The following IL9R variants were observed in gnomAD, a reference collection of about 807,000 sequenced individuals.
The protein encoded by IL9R is interleukin-9 receptor.
A neutral mutation model predicts 56.3 loss-of-function variants in IL9R; 54 were observed. The ratio of observed to expected loss-of-function variants is 0.96; its 90% CI spans 0.77 to 1.20. The LOEUF (loss-of-function observed/expected upper bound fraction) is 1.20, where lower values mean the gene tolerates loss of function less well. IL9R is among the 50% of genes most tolerant of loss of function. The probability of loss-of-function intolerance (pLI) is 0.00; values close to 1 mark genes in which losing one functional copy is unlikely to be tolerated. For missense variants in IL9R, 545 were observed against 629.8 expected (o/e 0.87, Z 1.44); for synonymous variants, 212 against 250.2 (o/e 0.85, Z 1.44).
At position 156,006,063 on chromosome X, in the gene IL9R, T is replaced by C. The variant is rs2067916039; in HGVS notation, c.782-20T>C. The C allele has an allele frequency of 6.6e-7, 1 of 1,505,874 alleles. No individual in the cohort carries two copies. The highest frequency in any genetic ancestry group is 9.2e-7 in the Non-Finnish European group (1 of 1,083,562). The allele number at this position is 1,505,874 out of a possible 1,614,324, so 93.3% of individuals were successfully genotyped here. On this transcript the variant is annotated intron_variant, in intron 6 of 8. Coordinates refer to ENST00000244174, the MANE Select transcript of IL9R (RefSeq NM_002186.3). ...CTGGCACTGAGGCTGCTCACAGCCC[T>C]GGGCCCTTCCTGTCCACAGGCCCTC...
Position 156,006,106 on chromosome X carries a change from T to C in IL9R, c.805T>C (p.Trp269Arg). ...RQGPLIPPWG[W>R]PGNTLVAVSI... Reference sequence around the variant, plus strand: ...AGGCCCTCTGATCCCACCCTGGGGGTGGCCAGGCAACACCCTTGTTGCTGT... The same window carrying C: ...AGGCCCTCTGATCCCACCCTGGGGGCGGCCAGGCAACACCCTTGTTGCTGT... The change falls in exon 7 of 9, where the codon TGG becomes CGG. Residue 269 changes from tryptophan (W) to arginine (R), a missense_variant. Trp to Arg is a moderately radical substitution (Grantham distance 101). This residue lies in a region of IL9R where 431 missense variants were observed against 360.0 expected (regional missense o/e 1.20). Coordinates refer to ENST00000244174, the MANE Select transcript of IL9R (RefSeq NM_002186.3). The C allele has an allele frequency of 1.9e-6, 3 of 1,600,636 alleles. No homozygotes were observed. The highest frequency in any genetic ancestry group is 1.1e-5 in the South Asian group (1 of 90,742).
At chrX:156,003,308 C>T (rs1463840336) in intron 2 of IL9R, 141 bp from the exon 3 acceptor site, 5 of 708,412 alleles carry the variant, frequency 7.1e-6, no homozygotes, top group Non-Finnish European at 1.3e-5. Flanking sequence ...CCAGGCCTCC[C>T]AGTGCTTCCC....
rs752788533 is a variant in IL9R at position 156,003,017 on chromosome X, A to G, written c.140A>G (p.Gln47Arg). 6 of 1,613,774 alleles carry G rather than the reference A, an allele frequency of 3.7e-6. No individual in the cohort carries two copies. In the Admixed American group the frequency reaches 1.0e-4, roughly 27 times the overall value. The change falls in exon 2 of 9, where the codon CAA (glutamine) becomes CGA (arginine). Residue 47 changes from glutamine (Q) to arginine (R), a missense_variant and splice_region_variant. Physicochemically the swap from Gln to Arg is conservative, Grantham distance 43. Transcript: ENST00000244174. ...GGAGTCTCTGTCACAGGGGAAGGACAAGGTGAGGGCTGGGCACTAATGTCT... is the reference window on the plus strand; with the variant it reads ...GGAGTCTCTGTCACAGGGGAAGGACGAGGTGAGGGCTGGGCACTAATGTCT... ...CLGVSVTGEG[Q>R]GPRSRTFTCL...
At chrX:156,001,589 G>C (rs956812522) in intron 1 of IL9R, 1 of 1,015,656 alleles carries the variant, frequency 9.8e-7, no homozygotes, top group African/African-American at 1.6e-5. Flanking sequence ...GGGCAGAGTG[G>C]GGTTAGAGTA....
rs1482484892 is a variant in IL9R at position 156,003,687 on chromosome X, C to T, written c.265C>T (p.Pro89Ser). The T allele has an allele frequency of 1.2e-6, 2 of 1,613,032 alleles. No individual in the cohort carries two copies. Among genetic ancestry groups the T allele is most frequent in the Non-Finnish European group, 1.7e-6 (2 of 1,179,496 alleles). ...AAATGCCCTTTCCAGCAACCAGGCT[C>T]CTGGCGGCACACATAAGTGCATCTT... ...PWLLFTSNQA[P>S]GGTHKCILRG... is the part of the protein sequence containing the mutation. The change falls in exon 4 of 9, where the codon CCT becomes TCT. Residue 89 changes from proline to serine, a missense_variant. Around this residue, in one of 2 missense-constraint regions of IL9R, gnomAD observed 431 missense variants for 360.0 expected, o/e 1.20. Transcript: ENST00000244174.
rs1203751262 is a variant in IL9R at position 155,997,738 on chromosome X, T to A, written c.-22T>A. On this transcript the variant is annotated 5_prime_UTR_variant, in exon 1 of 9. In the 5' UTR this introduces an upstream ATG that the reference lacks. Transcript: ENST00000244174. ...AGTTGGGTGACAAATCACCTCCAGG[T>A]TGGGGATGCCTCAGACTTGTGATGG... is the stretch of plus-strand genomic sequence containing the variant. The A allele has an allele frequency of 6.2e-7, 1 of 1,613,156 alleles. No homozygotes were observed. Among genetic ancestry groups the A allele is most frequent in the Non-Finnish European group, 8.5e-7 (1 of 1,179,272 alleles).
At chrX:155,999,151 G>C (rs1408341623) in intron 1 of IL9R, among the ~76,000 whole-genome samples, 1 of 152,032 alleles carries the variant, frequency 6.6e-6, no homozygotes, top group Non-Finnish European at 1.5e-5. Context: ...TGATGGGGAG[G>C]GAAGATGGCA....
chrX:156,001,703 C>T (rs1440278205), intron 1 of IL9R, among the ~76,000 whole-genome samples: 3 of 152,000 alleles, frequency 2.0e-5, no homozygotes, highest in Non-Finnish European at 4.4e-5. Flanking sequence ...TATAACCAGG[C>T]TGGCCCTGCT....
At chrX:156,009,258 G>GTGTATGTC (rs2068290087) in intron 8 of IL9R, among the ~76,000 whole-genome samples, 4 of 120,110 alleles carry the variant, frequency 3.3e-5, no homozygotes, top group African/African-American at 1.1e-4. Context: ...GTGTCTGTGT[G>GTGTATGTC]TGTGTGTTTG....
Position 156,009,017 on chromosome X carries a change from C to CTG in IL9R, c.973-789_973-788dup, listed in dbSNP as rs1205372747. 3.4e-4 allele frequency among the ~76,000 whole-genome samples: 37 copies of CTG among 109,760 alleles called. No individual in the cohort carries two copies. The East Asian group carries it at 7.6e-3, about 22-fold the overall frequency. The allele number at this position is 109,760 out of a possible 152,430, so 72.0% of individuals were successfully genotyped here. A position where few individuals can be genotyped will look rare whatever the true frequency, so the allele number is the denominator to read the frequency against. On this transcript the variant is annotated intron_variant, in intron 8 of 8. Coordinates refer to ENST00000244174, the MANE Select transcript of IL9R (RefSeq NM_002186.3). ...TGTGTGTGTTTGTGTGTGTGTGTCTCTGTGTGTGTGTCTGTATCTGTGTGT... is the reference window on the plus strand; with the variant it reads ...TGTGTGTGTTTGTGTGTGTGTGTCTCTGTGTGTGTGTGTCTGTATCTGTGTGT...
chrX:156,006,494 C>T (rs868443303), intron 7 of IL9R, among the ~76,000 whole-genome samples: 15 of 150,600 alleles, frequency 1.0e-4, no homozygotes, highest in East Asian at 3.9e-4. Context: ...CCAGAGTCAC[C>T]GAGATCAAGA....
intron 1 of IL9R, chrX:156,001,624 C>A: frequency 3.2e-6 from 2 of 633,804 alleles, no homozygotes; most frequent in Non-Finnish European, 2.7e-6. Flanking sequence ...TTGGTTTGTG[C>A]GGTCCTTTAA....
intron 8 of IL9R, among the ~76,000 whole-genome samples, chrX:156,008,649 G>A (rs1179196987): frequency 5.3e-5 from 8 of 152,228 alleles, no homozygotes; most frequent in African/African-American, 7.2e-5. Flanking sequence ...TTAGACCTGC[G>A]GGTGAGGATC....
In IL9R at chrX:155,997,743, G is replaced by A. The variant is rs777128870; in HGVS notation, c.-17G>A. The A allele has an allele frequency of 3.7e-6, 6 of 1,613,558 alleles. No individual in the cohort carries two copies. The highest frequency in any genetic ancestry group is 5.1e-6 in the Non-Finnish European group (6 of 1,179,548). Reference sequence around the variant, plus strand: ...GGTGACAAATCACCTCCAGGTTGGGGATGCCTCAGACTTGTGATGGGACTG... The same window carrying A: ...GGTGACAAATCACCTCCAGGTTGGGAATGCCTCAGACTTGTGATGGGACTG... On this transcript the variant is annotated 5_prime_UTR_variant, in exon 1 of 9. Coordinates refer to ENST00000244174, the MANE Select transcript of IL9R (RefSeq NM_002186.3).
intron 5 of IL9R, 38 bp from the exon 6 acceptor site, chrX:156,005,240 C>T: frequency 6.3e-7 from 1 of 1,582,562 alleles, no homozygotes; most frequent in Non-Finnish European, 8.7e-7. Flanking sequence ...GGACCCAGCC[C>T]CACCTTCACC....
Position 156,005,327 on chromosome X carries a change from A to G in IL9R, c.629A>G (p.Glu210Gly). The part of the protein sequence containing the change: ...HIVGVTWLIL[E>G]AFELDPGFIH... ...GTCGGGGTGACCTGGCTTATACTTG[A>G]AGCCTTTGAGCTGGACCCTGGCTTT... Residue 210 changes from glutamate (E) to glycine (G), a missense_variant, in exon 6 of 9, where the codon GAA (glutamate) becomes GGA (glycine). Glu to Gly is a moderately conservative substitution (Grantham distance 98). Coordinates refer to ENST00000244174, the MANE Select transcript of IL9R (RefSeq NM_002186.3). 6.2e-7 allele frequency: 1 copy of G among 1,612,264 alleles called. No homozygotes were observed. The highest frequency in any genetic ancestry group is 1.1e-5 in the South Asian group (1 of 90,984).
At position 156,010,186 on chromosome X, in the gene IL9R, G is replaced by A; in HGVS notation, c.1343G>A (p.Cys448Tyr). 2.7e-6 allele frequency: 4 copies of A among 1,484,270 alleles called. No individual in the cohort carries two copies. Among genetic ancestry groups the A allele is most frequent in the Non-Finnish European group, 3.5e-6 (4 of 1,128,416 alleles). 91.9% of individuals were successfully genotyped at this position (1,484,270 alleles called of 1,614,324 possible). The change falls in exon 9 of 9, where the codon TGC (cysteine) becomes TAC (tyrosine). Residue 448 changes from cysteine (C) to tyrosine (Y), a missense_variant. Cys to Tyr is a radical substitution (Grantham distance 194). Coordinates refer to ENST00000244174, the MANE Select transcript of IL9R (RefSeq NM_002186.3). ...SNNNNYCALG[C>Y]YGGWHLSALP... Reference sequence around the variant, plus strand: ...AACAACAACTACTGTGCCTTGGGCTGCTATGGGGGATGGCACCTCTCAGCC... The same window carrying A: ...AACAACAACTACTGTGCCTTGGGCTACTATGGGGGATGGCACCTCTCAGCC...
chrX:156,002,163 G>A (rs1569469699), intron 1 of IL9R, among the ~76,000 whole-genome samples: 1 of 150,476 alleles, frequency 6.6e-6, no homozygotes. Context: ...CCAACATGGT[G>A]AAACCCCGTC....
At chrX:156,006,241 C>A (rs1454507366) in intron 7 of IL9R, 53 bp downstream of exon 7, 2 of 743,856 alleles carry the variant, frequency 2.7e-6, no homozygotes, top group Non-Finnish European at 2.3e-6. Flanking sequence ...CAAGAGTGTG[C>A]ATGTTAGTGT....
Sources: gnomAD v4.1 joint callset for allele counts (sites outside exome capture counted in the v4.1 genomes callset) on GRCh38, gnomAD v4.1.1 for gene constraint, gnomAD v4.1.1 regional missense constraint, MANE v1.5 for transcripts, NCBI Gene and HGNC (gene_info 2026-07-23, HGNC 2026-07-21) for gene names.